Variants in PTPRM observed in about 807,000 individuals in gnomAD.
The protein encoded by PTPRM is receptor-type tyrosine-protein phosphatase mu.
In PTPRM, 47 loss-of-function variants were observed where a neutral mutation model predicts 186.7. The observed-to-expected ratio is 0.25, with a 90% CI of 0.20 to 0.32. The LOEUF is 0.32. Ranked by LOEUF, PTPRM falls within the 10% of genes least tolerant of loss-of-function variation. PTPRM has a pLI of 1.00. For synonymous variants in PTPRM, 668 were observed against 674.9 expected (o/e 0.99, Z 0.16); for missense variants, 1,494 against 1,865.0 (o/e 0.80, Z 3.66).
At chr18:7,958,178 C>T (rs115300525) in intron 7 of PTPRM, among the ~76,000 whole-genome samples, 163 of 143,338 alleles carry the variant, frequency 1.1e-3, no homozygotes, top group African/African-American at 4.0e-3. Flanking sequence ...TAAATTATCC[C>T]TGTGATGTTA....
chr18:8,322,852 C>T (rs993154883), intron 22 of PTPRM, among the ~76,000 whole-genome samples: 6 of 152,156 alleles, frequency 3.9e-5, no homozygotes, highest in Non-Finnish European at 7.3e-5. Flanking sequence ...CATGATTTCA[C>T]TCTGTCACCT....
chr18:8,130,484 A>C (rs554442279), intron 13 of PTPRM, among the ~76,000 whole-genome samples: 3 of 152,356 alleles, frequency 2.0e-5, no homozygotes, highest in Admixed American at 6.5e-5. Flanking sequence ...CAACATTTGC[A>C]TGCTTTATTA....
chr18:7,735,053 G>C (rs775671816), intron 1 of PTPRM, among the ~76,000 whole-genome samples: 2 of 152,124 alleles, frequency 1.3e-5, no homozygotes, highest in Non-Finnish European at 2.9e-5. Context: ...AAAGGAAGTG[G>C]GGACCAGGCA....
chr18:8,121,228 G>A (rs1388929043), intron 13 of PTPRM, among the ~76,000 whole-genome samples: 1 of 152,156 alleles, frequency 6.6e-6, no homozygotes, highest in Non-Finnish European at 1.5e-5. Flanking sequence ...GGTGCAGAGG[G>A]ATATTTCAAA....
chr18:7,976,793 T>C (rs930720842), intron 7 of PTPRM, among the ~76,000 whole-genome samples: 2 of 152,076 alleles, frequency 1.3e-5, no homozygotes, highest in African/African-American at 4.8e-5. Context: ...TTGATATGAG[T>C]TGAATATAAT....
intron 11 of PTPRM, among the ~76,000 whole-genome samples, chr18:8,090,757 G>A (rs1202575057): frequency 1.3e-5 from 2 of 152,144 alleles, no homozygotes; most frequent in African/African-American, 4.8e-5. Context: ...ACTGCACCCA[G>A]CTAATTTTTG....
chr18:7,773,585 T>TTTTTTTTTTTTTTTTTTG (rs2042435160), intron 1 of PTPRM, among the ~76,000 whole-genome samples: 1 of 133,190 alleles, frequency 7.5e-6, no homozygotes. Flanking sequence ...TTTTTTTTTT[T>TTTTTTTTTTTTTTTTTTG]TTTGTTTGTT....
rs571882762 is a variant in PTPRM, at chr18:8,137,753, C to T, written c.2168-5894C>T. ...GACTCCAGAGGCCCCTTTGTTCTGG[C>T]TTATGAGGCACTCTTCCCACCCAGC... On this transcript the variant is annotated intron_variant, in intron 13 of 32. Coordinates refer to ENST00000580170, the MANE Select transcript of PTPRM (RefSeq NM_001105244.2). 5.3e-5 allele frequency among the ~76,000 whole-genome samples: 8 copies of T among 152,244 alleles called. 1 individual carries two copies. The South Asian group carries it at 1.7e-3, about 32-fold the overall frequency.
At chr18:7,676,656 T>C (rs1843127387) in intron 1 of PTPRM, among the ~76,000 whole-genome samples, 1 of 133,130 alleles carries the variant, frequency 7.5e-6, no homozygotes, top group Admixed American at 7.1e-5. Flanking sequence ...TGTGTGTGTG[T>C]GTGTGTATGT....
chr18:7,731,032 T>C (rs988900053), intron 1 of PTPRM, among the ~76,000 whole-genome samples: 7 of 152,144 alleles, frequency 4.6e-5, no homozygotes, highest in African/African-American at 1.7e-4. Context: ...ATTTAACCGA[T>C]GAGAAAGATC....
chr18:8,120,113 AAG>A, intron 13 of PTPRM, among the ~76,000 whole-genome samples: 1 of 152,134 alleles, frequency 6.6e-6, no homozygotes, highest in African/African-American at 2.4e-5. Context: ...CTTGCTGGGC[AAG>A]AGCAGCCATA....
chr18:8,088,032 G>A (rs1305992510), intron 10 of PTPRM, among the ~76,000 whole-genome samples: 1 of 152,170 alleles, frequency 6.6e-6, no homozygotes, highest in Non-Finnish European at 1.5e-5. Flanking sequence ...ACTAACATTT[G>A]TAGAATTATA....
intron 2 of PTPRM, among the ~76,000 whole-genome samples, chr18:7,870,973 C>T (rs1216834979): frequency 2.0e-5 from 3 of 152,192 alleles, no homozygotes; most frequent in African/African-American, 7.2e-5. Flanking sequence ...GGGAGTTCGC[C>T]TCCCTGGAAT....
At chr18:8,083,732 A>T (rs971265762) in intron 9 of PTPRM, among the ~76,000 whole-genome samples, 6 of 152,180 alleles carry the variant, frequency 3.9e-5, no homozygotes, top group African/African-American at 1.4e-4. Context: ...TGAATAAAGT[A>T]AATGAATCTG....
At chr18:8,247,412 G>T (rs543929280) in intron 15 of PTPRM, among the ~76,000 whole-genome samples, 2 of 152,286 alleles carry the variant, frequency 1.3e-5, no homozygotes, top group East Asian at 3.9e-4. Context: ...CCAAATATGA[G>T]CAAGGAGAGG....
chr18:8,308,778 C>G (rs748820213), intron 20 of PTPRM, among the ~76,000 whole-genome samples: 9 of 152,014 alleles, frequency 5.9e-5, no homozygotes, highest in Non-Finnish European at 1.2e-4. Context: ...CAGTATTGTA[C>G]CTACTAACTA....
intron 1 of PTPRM, among the ~76,000 whole-genome samples, chr18:7,747,381 G>A (rs2041018317): frequency 6.6e-6 from 1 of 152,174 alleles, no homozygotes; most frequent in East Asian, 1.9e-4. Flanking sequence ...TGTTTCATAT[G>A]CCAGCCATCC....
chr18:7,794,377 A>C (rs1043825239), intron 2 of PTPRM, among the ~76,000 whole-genome samples: 4 of 152,060 alleles, frequency 2.6e-5, no homozygotes, highest in Admixed American at 2.6e-4. Context: ...GCTCCCCTAG[A>C]GATTGGAGCA....
At chr18:7,824,500 A>G (rs942747739) in intron 2 of PTPRM, among the ~76,000 whole-genome samples, 5 of 152,126 alleles carry the variant, frequency 3.3e-5, no homozygotes, top group Non-Finnish European at 7.4e-5. Flanking sequence ...TTAGCATTTT[A>G]TAAAATTACT....
Sources: allele counts gnomAD v4.1 joint callset (sites outside exome capture counted in the v4.1 genomes callset), GRCh38; gene constraint gnomAD v4.1.1; transcripts MANE v1.5; gene names NCBI Gene and HGNC (gene_info 2026-07-23, HGNC 2026-07-21).